Variants in CSTF3 observed in about 807,000 individuals in gnomAD.
CSTF3 encodes the protein cleavage stimulation factor subunit 3, also known as CF-1 77 kDa subunit.
Under a neutral mutation model 105.8 loss-of-function variants are expected in CSTF3, and 29 were observed. The observed-to-expected ratio is 0.27, with a 90% CI of 0.20 to 0.37. The LOEUF is 0.37. Ranked by LOEUF, CSTF3 falls within the 10% of genes least tolerant of loss-of-function variation. CSTF3 has a pLI of 1.00. For missense variants in CSTF3, 357 were observed against 879.3 expected (o/e 0.41, Z 7.51); for synonymous variants, 252 against 281.9 (o/e 0.89, Z 1.06).
chr11:33,159,486 A>C (rs1203948790), intron 1 of CSTF3, among the ~76,000 whole-genome samples: 1 of 147,066 alleles, frequency 6.8e-6, no homozygotes, highest in East Asian at 2.0e-4. Context: ...AATCCCAGCT[A>C]CTGGGGTGGC....
At chr11:33,103,697 G>A (rs980683597) in intron 8 of CSTF3, among the ~76,000 whole-genome samples, 5 of 152,106 alleles carry the variant, frequency 3.3e-5, no homozygotes, top group African/African-American at 7.2e-5. Flanking sequence ...TTGAAATGGC[G>A]AGGCAGAGGT....
chr11:33,108,221 A>G (rs895673268), intron 4 of CSTF3, among the ~76,000 whole-genome samples, 165 bp downstream of exon 4: 5 of 152,282 alleles, frequency 3.3e-5, no homozygotes, highest in Admixed American at 6.5e-5. Flanking sequence ...CAAAACTTTT[A>G]TGATGAACAT....
chr11:33,084,898 A>T lies in CSTF3; in HGVS notation c.*189T>A. 1.5e-6 allele frequency: 1 copy of T among 655,618 alleles called. No homozygotes were observed. Among genetic ancestry groups the T allele is most frequent in the Non-Finnish European group, 2.6e-6 (1 of 381,460 alleles). The allele number at this position is 655,618 out of a possible 1,614,324, so 40.6% of individuals were successfully genotyped here. ...GAAAACCTAATTTTGCTTAGAGCAT[A>T]GGTCTGTTCCGTATTCTAAAATTCA... On this transcript the variant is annotated 3_prime_UTR_variant, in exon 21 of 21. Coordinates refer to ENST00000323959, the MANE Select transcript of CSTF3 (RefSeq NM_001326.3).
chr11:33,113,388 T>C lies in CSTF3; in HGVS notation c.226-4970A>G, dbSNP rs188229394. On this transcript the variant is annotated intron_variant, in intron 3 of 20. Transcript: ENST00000323959. ...ACTTTAAGCCAGGTGTGGTGGCATA[T>C]GCCTGTAATCCCGGCTGCTTGGGAG... Among the ~76,000 whole-genome samples, 216 of 152,210 alleles carry C rather than the reference T, an allele frequency of 1.4e-3. 1 individual carries two copies. The highest frequency in any genetic ancestry group is 5.2e-3 in the African/African-American group (214 of 41,522).
intron 1 of CSTF3, among the ~76,000 whole-genome samples, chr11:33,160,581 A>G (rs1035372226): frequency 1.3e-5 from 2 of 152,240 alleles, no homozygotes; most frequent in Non-Finnish European, 1.5e-5. Context: ...TTCTGAATAC[A>G]AAGAGCAAAA....
intron 13 of CSTF3, among the ~76,000 whole-genome samples, chr11:33,097,377 T>C (rs1462828850): frequency 6.9e-6 from 1 of 145,586 alleles, no homozygotes; most frequent in African/African-American, 2.6e-5. Context: ...ACAATACATG[T>C]TTTTTTTTTT....
intron 17 of CSTF3, 151 bp from the exon 18 acceptor site, chr11:33,087,292 A>T (rs1855116163): frequency 2.6e-6 from 2 of 769,788 alleles, no homozygotes; most frequent in Middle Eastern, 7.7e-4. Flanking sequence ...ATGATGGTAA[A>T]GATTGTTACT....
chr11:33,123,611 T>C (rs557102503), intron 3 of CSTF3, among the ~76,000 whole-genome samples: 1 of 152,188 alleles, frequency 6.6e-6, no homozygotes, highest in Non-Finnish European at 1.5e-5. Flanking sequence ...AACTTACATG[T>C]CCTTCAGTAG....
intron 17 of CSTF3, among the ~76,000 whole-genome samples, chr11:33,089,183 C>CA (rs1855140018): frequency 6.6e-6 from 1 of 151,352 alleles, no homozygotes; most frequent in East Asian, 2.0e-4. Context: ...CCCATCTCCA[C>CA]AAAAAAATAC....
At chr11:33,103,632 T>C (rs1855300183) in intron 8 of CSTF3, among the ~76,000 whole-genome samples, 1 of 152,042 alleles carries the variant, frequency 6.6e-6, no homozygotes, top group Non-Finnish European at 1.5e-5. Flanking sequence ...TAGCTGGGTG[T>C]GGTGGTGTGC....
chr11:33,136,102 T>C (rs113628084), intron 3 of CSTF3: 49 of 152,590 alleles, frequency 3.2e-4, no homozygotes, highest in African/African-American at 1.1e-3. Flanking sequence ...TACAAAATGG[T>C]AAAACTTACC....
chr11:33,110,350 T>C (rs1326467093), intron 3 of CSTF3, among the ~76,000 whole-genome samples: 1 of 152,168 alleles, frequency 6.6e-6, no homozygotes, highest in Non-Finnish European at 1.5e-5. Flanking sequence ...GCCAGGCTGA[T>C]GTCAACATTC....
At chr11:33,134,073 A>C (rs1375888235) in intron 3 of CSTF3, among the ~76,000 whole-genome samples, 1 of 152,236 alleles carries the variant, frequency 6.6e-6, no homozygotes, top group African/African-American at 2.4e-5. Flanking sequence ...GCAATCTCCT[A>C]TAGTTCGGAA....
intron 3 of CSTF3, among the ~76,000 whole-genome samples, chr11:33,117,563 T>C (rs967507581): frequency 6.6e-6 from 1 of 151,956 alleles, no homozygotes; most frequent in African/African-American, 2.4e-5. Context: ...TACTATTCCC[T>C]ACTTAAAGAT....
intron 1 of CSTF3, among the ~76,000 whole-genome samples, chr11:33,160,432 C>T (rs1323017323): frequency 6.6e-6 from 1 of 152,204 alleles, no homozygotes; most frequent in Non-Finnish European, 1.5e-5. Flanking sequence ...ATTGAGACTG[C>T]AGGCTACCTA....
intron 5 of CSTF3, among the ~76,000 whole-genome samples, chr11:33,106,290 C>T (rs952064021): frequency 1.3e-5 from 2 of 151,902 alleles, no homozygotes; most frequent in Admixed American, 6.6e-5. Flanking sequence ...GTGGCGTGCA[C>T]CTGTAATCCT....
chr11:33,098,819 T>C, intron 12 of CSTF3, 55 bp from the exon 13 acceptor site: 1 of 1,340,702 alleles, frequency 7.5e-7, no homozygotes, highest in Non-Finnish European at 1.0e-6. Context: ...TAAGCAGGAT[T>C]TGAGCTCCAA....
At chr11:33,156,407 C>A (rs1849866692) in intron 1 of CSTF3, among the ~76,000 whole-genome samples, 1 of 152,088 alleles carries the variant, frequency 6.6e-6, no homozygotes, top group African/African-American at 2.4e-5. Flanking sequence ...ACGAAATAAA[C>A]CAGGTTTCAG....
At chr11:33,108,130 AATTTCCCC>A (rs1855344458) in intron 4 of CSTF3, 130 bp from the exon 5 acceptor site, 2 of 610,816 alleles carry the variant, frequency 3.3e-6, no homozygotes, top group South Asian at 7.2e-5. Flanking sequence ...AAAAGCAAAT[AATTTCCCC>A]ATTTTCAGTT....
Sources: allele counts gnomAD v4.1 joint callset (sites outside exome capture counted in the v4.1 genomes callset), GRCh38; gene constraint gnomAD v4.1.1; transcripts MANE v1.5; gene names NCBI Gene and HGNC (gene_info 2026-07-23, HGNC 2026-07-21).